The following DGKI variants were observed in gnomAD, a reference collection of about 807,000 sequenced individuals.
DGKI encodes DAG kinase iota.
Under a neutral mutation model 147.5 loss-of-function variants are expected in DGKI, and 55 were observed. The ratio of observed to expected loss-of-function variants is 0.37; its 90% confidence interval spans 0.30 to 0.47. The LOEUF is 0.47. DGKI is among the 20% of genes least tolerant of loss of function. The pLI is 1.00. For missense variants in DGKI, 1,007 were observed against 1,323.8 expected (o/e 0.76, Z 3.71); for synonymous variants, 469 against 477.1 (o/e 0.98, Z 0.22).
At chr7:137,825,424 C>A (rs1289358053) in intron 1 of DGKI, among the ~76,000 whole-genome samples, 1 of 152,120 alleles carries the variant, frequency 6.6e-6, no homozygotes, top group Admixed American at 6.5e-5. Context: ...TCTTGCATGG[C>A]TGTAGGGCTA....
intron 6 of DGKI, among the ~76,000 whole-genome samples, chr7:137,635,082 A>C (rs1397163443): frequency 1.3e-5 from 2 of 152,192 alleles, no homozygotes; most frequent in Non-Finnish European, 2.9e-5. Flanking sequence ...ATTAATTCCT[A>C]CCAGAGAGCT....
intron 1 of DGKI, among the ~76,000 whole-genome samples, chr7:137,718,739 A>C (rs1408682659): frequency 6.6e-6 from 1 of 152,222 alleles, no homozygotes; most frequent in Non-Finnish European, 1.5e-5. Context: ...CAGGTCTCTC[A>C]GTCCTGGGCA....
chr7:137,472,828 G>C (rs932103555), intron 23 of DGKI, among the ~76,000 whole-genome samples: 11 of 152,044 alleles, frequency 7.2e-5, no homozygotes, highest in Admixed American at 7.2e-4. Flanking sequence ...TATGAATAAA[G>C]GGGCTAAAAC....
intron 1 of DGKI, among the ~76,000 whole-genome samples, chr7:137,742,837 A>C (rs1795217771): frequency 6.6e-6 from 1 of 152,228 alleles, no homozygotes; most frequent in African/African-American, 2.4e-5. Context: ...ACAAAAGATA[A>C]TGAATAAAAA....
rs1284146840 is a variant in DGKI, at chr7:137,388,937, C to T, written c.*2283G>A. The T allele has an allele frequency of 6.6e-6, 1 of 152,024 alleles. No individual in the cohort carries two copies. The highest frequency in any genetic ancestry group is 2.4e-5 in the African/African-American group (1 of 41,376). 9.4% of individuals were successfully genotyped at this position (152,024 alleles called of 1,614,324 possible). A position where few individuals can be genotyped will look rare whatever the true frequency, so the allele number is the denominator to read the frequency against. The stretch of plus-strand genomic sequence containing the variant: ...AAATTGGCCCATAGCCACCTGTACC[C>T]TAAATTTTCTCTGGGCTACTTGGAA... On this transcript the variant is annotated 3_prime_UTR_variant, in exon 33 of 33. Coordinates refer to ENST00000614521, the MANE Select transcript of DGKI (RefSeq NM_001321708.2).
At chr7:137,832,392 C>A (rs966584580) in intron 1 of DGKI, among the ~76,000 whole-genome samples, 1 of 152,240 alleles carries the variant, frequency 6.6e-6, no homozygotes, top group African/African-American at 2.4e-5. Flanking sequence ...GGTTCCCAAA[C>A]TTTGATGCTT....
Position 137,820,800 on chromosome 7 carries a change from G to A in DGKI, c.401+25662C>T, listed in dbSNP as rs183726332. On this transcript the variant is annotated intron_variant, in intron 1 of 32. Coordinates refer to ENST00000614521, the MANE Select transcript of DGKI (RefSeq NM_001321708.2). ...AATTAGCCAGCTGGCAGCAACTCTG[G>A]AGGTGGGGCTGTGTGAGACCAGACC... Among the ~76,000 whole-genome samples, 15 of 152,240 alleles carry A rather than the reference G, an allele frequency of 9.9e-5. 1 individual carries two copies. In the Middle Eastern group the frequency reaches 0.024, roughly 242 times the overall value.
At chr7:137,705,152 T>C (rs1025343124) in intron 1 of DGKI, among the ~76,000 whole-genome samples, 1 of 152,142 alleles carries the variant, frequency 6.6e-6, no homozygotes, top group Non-Finnish European at 1.5e-5. Flanking sequence ...ATATTGTTGC[T>C]GGAAGAATAA....
intron 1 of DGKI, among the ~76,000 whole-genome samples, chr7:137,750,522 G>A (rs556747109): frequency 6.6e-6 from 1 of 152,082 alleles, no homozygotes; most frequent in Non-Finnish European, 1.5e-5. Context: ...GAAACTTAAG[G>A]TTCCCTCCCT....
intron 20 of DGKI, among the ~76,000 whole-genome samples, chr7:137,532,922 T>C (rs190285141): frequency 2.0e-5 from 3 of 152,256 alleles, no homozygotes; most frequent in African/African-American, 7.2e-5. Flanking sequence ...AATATAACAA[T>C]TATTCATCAA....
intron 1 of DGKI, among the ~76,000 whole-genome samples, chr7:137,802,414 T>C (rs1481844983): frequency 6.6e-6 from 1 of 152,250 alleles, no homozygotes; most frequent in Non-Finnish European, 1.5e-5. Context: ...CTGGGAATTA[T>C]TCTTTTCCAG....
intron 6 of DGKI, among the ~76,000 whole-genome samples, chr7:137,627,727 A>G (rs1820994002): frequency 6.6e-6 from 1 of 152,212 alleles, no homozygotes; most frequent in Admixed American, 6.5e-5. Context: ...ATGTATCATT[A>G]TTAAGTCTTA....
At chr7:137,419,549 G>T (rs945756443) in intron 28 of DGKI, among the ~76,000 whole-genome samples, 1 of 152,144 alleles carries the variant, frequency 6.6e-6, no homozygotes, top group African/African-American at 2.4e-5. Flanking sequence ...GCAAAAAAAT[G>T]AAATTTAGTA....
chr7:137,571,125 C>T lies in DGKI; in HGVS notation c.1947+50G>A, dbSNP rs757188025. The T allele has an allele frequency of 5.1e-6, 7 of 1,374,730 alleles. No individual in the cohort carries two copies. The South Asian group carries it at 8.2e-5, about 16-fold the overall frequency. The allele number at this position is 1,374,730 out of a possible 1,614,324, so 85.2% of individuals were successfully genotyped here. A position where few individuals can be genotyped will look rare whatever the true frequency, so the allele number is the denominator to read the frequency against. On this transcript the variant is annotated intron_variant, in intron 19 of 32. Transcript: ENST00000614521. ...ACTAAAGTCCTGTGAATTGAATAAA[C>T]TCTGTGACTAAAATACATTTCATTT...
chr7:137,493,769 G>C, intron 21 of DGKI: 1 of 701,924 alleles, frequency 1.4e-6, no homozygotes, highest in Non-Finnish European at 2.6e-6. Flanking sequence ...CAAAAAGCCA[G>C]AGAGTCTTCT....
intron 1 of DGKI, among the ~76,000 whole-genome samples, chr7:137,697,494 C>T (rs113420167): frequency 2.6e-5 from 4 of 152,192 alleles, no homozygotes; most frequent in African/African-American, 9.6e-5. Context: ...GAAAGAAATG[C>T]CTAAAAAGAC....
At chr7:137,834,028 T>C (rs1450601470) in intron 1 of DGKI, among the ~76,000 whole-genome samples, 1 of 152,232 alleles carries the variant, frequency 6.6e-6, no homozygotes, top group African/African-American at 2.4e-5. Context: ...ATCCTGTGCC[T>C]CAGTTTCCTT....
intron 5 of DGKI, among the ~76,000 whole-genome samples, chr7:137,653,999 C>G (rs114794484): frequency 6.6e-6 from 1 of 152,114 alleles, no homozygotes; most frequent in Non-Finnish European, 1.5e-5. Context: ...AGGGTTCTTG[C>G]CTGAACTGTG....
intron 1 of DGKI, among the ~76,000 whole-genome samples, chr7:137,742,891 C>G (rs1182755916): frequency 6.6e-6 from 1 of 152,118 alleles, no homozygotes; most frequent in Admixed American, 6.5e-5. Context: ...ACAGTCAAAG[C>G]ATCTAACAAA....
Sources: allele counts gnomAD v4.1 joint callset (sites outside exome capture counted in the v4.1 genomes callset), GRCh38; gene constraint gnomAD v4.1.1; transcripts MANE v1.5; gene names NCBI Gene and HGNC (gene_info 2026-07-23, HGNC 2026-07-21).